The following KANK4 variants were observed in gnomAD, a reference collection of about 807,000 sequenced individuals.
KANK4 encodes the protein KN motif and ankyrin repeat domain-containing protein 4.
KANK4 carries 50 observed loss-of-function variants against 80.8 expected under a neutral mutation model. That is an observed-to-expected ratio of 0.62 (90% CI 0.49 to 0.78). KANK4 has a LOEUF of 0.78. Among genes scored for constraint, KANK4 ranks in the 30% least tolerant of loss-of-function variants. The pLI is 0.00. For synonymous variants in KANK4, 465 were observed against 506.9 expected, an observed-to-expected ratio of 0.92 and a Z score of 1.11; for missense variants, 1,196 against 1,240.1, an observed-to-expected ratio of 0.96 and a Z score of 0.53.
intron 1 of KANK4, among the ~76,000 whole-genome samples, chr1:62,290,526 TG>T (rs1385214801): frequency 6.6e-6 from 1 of 152,218 alleles, no homozygotes; most frequent in Non-Finnish European, 1.5e-5. Flanking sequence ...GCAAAGTGCT[TG>T]TGCTGGTGCC....
At chr1:62,247,304 CTT>C (rs371644915) in intron 9 of KANK4, among the ~76,000 whole-genome samples, 166 bp downstream of exon 9, 86 of 136,278 alleles carry the variant, frequency 6.3e-4, no homozygotes, top group African/African-American at 1.5e-3. Context: ...TAAACAGCTA[CTT>C]TTTTTTTTTT....
At chr1:62,251,859 G>A (rs954752580) in intron 8 of KANK4, among the ~76,000 whole-genome samples, 8 of 152,144 alleles carry the variant, frequency 5.3e-5, no homozygotes, top group Non-Finnish European at 1.0e-4. Context: ...GGGCATGATG[G>A]CGGGTGCCTG....
At chr1:62,255,042 T>A (rs376037765) in intron 7 of KANK4, among the ~76,000 whole-genome samples, 32 of 151,592 alleles carry the variant, frequency 2.1e-4, no homozygotes, top group African/African-American at 7.3e-4. Context: ...CACGCCACCA[T>A]GCCCGGCTAA....
rs78457253 is a variant in KANK4, at chr1:62,309,580, A to T, written c.-71+9526T>A. Among the ~76,000 whole-genome samples, 113 of 152,330 alleles carry T rather than the reference A, an allele frequency of 7.4e-4. 1 individual carries two copies. In the East Asian group the frequency reaches 0.013, roughly 18 times the overall value. ...AAGACTACATTACTTAAATTTTTTT[A>T]AAAAAGCTAATTTTATTAACTAGTT... On this transcript the variant is annotated intron_variant, in intron 1 of 9. Transcript: ENST00000371153.
intron 1 of KANK4, among the ~76,000 whole-genome samples, chr1:62,290,376 G>A (rs370111620): frequency 5.7e-4 from 87 of 152,298 alleles, no homozygotes; most frequent in African/African-American, 2.1e-3. Context: ...CCCATTTCCA[G>A]GTGGCTGGAT....
chr1:62,298,618 T>C (rs953287291), intron 1 of KANK4, among the ~76,000 whole-genome samples: 1 of 152,200 alleles, frequency 6.6e-6, no homozygotes, highest in African/African-American at 2.4e-5. Flanking sequence ...CGTGTGACCT[T>C]GGGTAAGTCA....
chr1:62,288,430 C>T (rs1218032565), intron 1 of KANK4, among the ~76,000 whole-genome samples: 2 of 152,282 alleles, frequency 1.3e-5, no homozygotes, highest in African/African-American at 2.4e-5. Context: ...GAAAGGTCAG[C>T]GCTTTGGTAG....
chr1:62,264,659 T>C (rs765471788), intron 6 of KANK4, among the ~76,000 whole-genome samples: 1 of 152,206 alleles, frequency 6.6e-6, no homozygotes, highest in African/African-American at 2.4e-5. Flanking sequence ...CGGGCTTGCA[T>C]ATCCTCTGAT....
At chr1:62,285,299 C>T (rs990757871) in intron 1 of KANK4, among the ~76,000 whole-genome samples, 11 of 152,204 alleles carry the variant, frequency 7.2e-5, no homozygotes, top group Non-Finnish European at 1.6e-4. Context: ...TGATAGTCCA[C>T]GTGCAGCTAC....
intron 9 of KANK4, among the ~76,000 whole-genome samples, chr1:62,242,086 A>G (rs1310895352): frequency 6.6e-6 from 1 of 152,144 alleles, no homozygotes; most frequent in East Asian, 1.9e-4. Flanking sequence ...CATGGGAGCC[A>G]GGTATGGTGA....
At chr1:62,306,717 A>T (rs1370270410) in intron 1 of KANK4, among the ~76,000 whole-genome samples, 1 of 152,120 alleles carries the variant, frequency 6.6e-6, no homozygotes, top group African/African-American at 2.4e-5. Flanking sequence ...AATTTTTAAT[A>T]AAAAAATTCC....
At chr1:62,316,362 C>G (rs1196128615) in intron 1 of KANK4, among the ~76,000 whole-genome samples, 2 of 152,214 alleles carry the variant, frequency 1.3e-5, no homozygotes, top group Non-Finnish European at 2.9e-5. Flanking sequence ...TGAACTGAAG[C>G]AAAACCAAGA....
At chr1:62,241,354 G>A (rs1671337466) in intron 9 of KANK4, among the ~76,000 whole-genome samples, 1 of 152,164 alleles carries the variant, frequency 6.6e-6, no homozygotes, top group African/African-American at 2.4e-5. Context: ...GGCAGAGGAA[G>A]GAAGTGGCAT....
Position 62,268,389 on chromosome 1 carries a change from G to A in KANK4, c.2129C>T (p.Ala710Val). The A allele has an allele frequency of 6.2e-7, 1 of 1,614,000 alleles. No individual in the cohort carries two copies. The highest frequency in any genetic ancestry group is 8.5e-7 in the Non-Finnish European group (1 of 1,179,982). Residue 710 changes from alanine to valine, a missense_variant, in exon 5 of 10, where the codon GCC (alanine) becomes GTC (valine). Ala to Val is a moderately conservative substitution (Grantham distance 64, BLOSUM62 0). Transcript: ENST00000371153. ...CTGCCCAGCCTCGCAGGTGAGATGG[G>A]CATCTTTGACATGCTTGTGATCTGG... Reference protein sequence around the residue: ...DGPDHKHVKDAHLTCEAGQGI... With the variant: ...DGPDHKHVKDVHLTCEAGQGI...
At chr1:62,297,664 A>G (rs183175082) in intron 1 of KANK4, among the ~76,000 whole-genome samples, 51 of 152,336 alleles carry the variant, frequency 3.3e-4, no homozygotes, top group Non-Finnish European at 4.4e-5. Flanking sequence ...TAAAATATAA[A>G]CATGGTTGGG....
At position 62,253,219 on chromosome 1, in the gene KANK4, A is replaced by T. The variant is rs868053826; in HGVS notation, c.2540-10T>A. On this transcript the variant is annotated splice_polypyrimidine_tract_variant and intron_variant, in intron 7 of 9. Coordinates refer to ENST00000371153, the MANE Select transcript of KANK4 (RefSeq NM_181712.5). ...TCCACATTGCAGACGCCTGCAAGAG[A>T]AGCAATGGGTGCTGCAAAGGCTCCT... 37 of 1,601,090 alleles carry T rather than the reference A, an allele frequency of 2.3e-5. 1 individual carries two copies. The Middle Eastern group carries it at 4.6e-3, about 199-fold the overall frequency.
chr1:62,304,712 C>T (rs1338656167), intron 1 of KANK4, among the ~76,000 whole-genome samples: 1 of 151,848 alleles, frequency 6.6e-6, no homozygotes, highest in Admixed American at 6.5e-5. Context: ...ATTACCCGCC[C>T]CCTCGCCAAC....
chr1:62,287,235 AGCGG>A (rs1254248086), intron 1 of KANK4, among the ~76,000 whole-genome samples: 1 of 152,144 alleles, frequency 6.6e-6, no homozygotes, highest in African/African-American at 2.4e-5. Context: ...ACCTGAAAGG[AGCGG>A]GGATGGTCCA....
At position 62,281,635 on chromosome 1, in the gene KANK4, C is replaced by G; in HGVS notation, c.-70-1G>C. Reference sequence around the variant, plus strand: ...GAGTCTGTAAAACTTGTTGAAGGTTCTGAAAGAAAGGAGGATACAGAAGTG... The same window carrying G: ...GAGTCTGTAAAACTTGTTGAAGGTTGTGAAAGAAAGGAGGATACAGAAGTG... On this transcript the variant is annotated splice_acceptor_variant, in intron 1 of 9. Transcript: ENST00000371153. LOFTEE classifies it low-confidence loss of function (5UTR_SPLICE). 1 of 1,575,912 alleles carries G rather than the reference C, an allele frequency of 6.3e-7. No homozygotes were observed. Among genetic ancestry groups the G allele is most frequent in the Non-Finnish European group, 8.7e-7 (1 of 1,145,112 alleles).
Sources: gnomAD v4.1 joint callset for allele counts (sites outside exome capture counted in the v4.1 genomes callset) on GRCh38, gnomAD v4.1.1 for gene constraint, MANE v1.5 for transcripts, NCBI Gene and HGNC (gene_info 2026-07-23, HGNC 2026-07-21) for gene names.